NEB: variants seen among roughly 807,000 people sequenced by gnomAD.
NEB encodes nebulin.
NEB carries 512 observed loss-of-function variants against 952.2 expected under a neutral mutation model. The ratio of observed to expected loss-of-function variants is 0.54; its 90% confidence interval spans 0.50 to 0.58. The LOEUF is 0.58. NEB is among the 20% of genes least tolerant of loss of function. NEB has a pLI of 0.00. For synonymous variants in NEB, 2,900 were observed against 3,149.8 expected (o/e 0.92, Z 2.66); for missense variants, 8,428 against 9,231.1 (o/e 0.91, Z 3.56).
At chr2:151,498,377 A>G (rs774433703) in intron 169 of NEB, 25 bp from the exon 170 acceptor site, 40 of 1,492,052 alleles carry the variant, frequency 2.7e-5, no homozygotes, top group Middle Eastern at 1.7e-4. Flanking sequence ...AGCATCCAGA[A>G]CAAAAAAAGC....
intron 75 of NEB, 37 bp downstream of exon 75, chr2:151,617,327 G>A (rs1166012791): frequency 1.1e-5 from 15 of 1,389,560 alleles, no homozygotes; most frequent in Non-Finnish European, 1.5e-5. Context: ...GTTCATTTTT[G>A]CCTTTCTGTT....
At chr2:151,542,208 T>C (rs1425795855) in intron 135 of NEB, among the ~76,000 whole-genome samples, 1 of 152,178 alleles carries the variant, frequency 6.6e-6, no homozygotes, top group African/African-American at 2.4e-5. Context: ...TCCTGTCTTT[T>C]AGACCTCCTC....
At position 151,643,959 on chromosome 2, in the gene NEB, G is replaced by A; in HGVS notation, c.7815C>T (p.Asp2605=). Residue 2605 remains aspartate (D), a synonymous_variant, in exon 57 of 182, where the codon GAC becomes GAT. Coordinates refer to ENST00000397345, the MANE Select transcript of NEB (RefSeq NM_001164508.2). ...TCTTGGCCAACACCACCCCCAGCAT[G>A]TCCACTGGGCTGCTGAACTTGGTCT... ...KWKTKFSSPV[D]MLGVVLAKKC... is the part of the protein sequence containing the mutation. 6.2e-7 allele frequency: 1 copy of A among 1,613,932 alleles called. No individual in the cohort carries two copies. Among genetic ancestry groups the A allele is most frequent in the Non-Finnish European group, 8.5e-7 (1 of 1,179,868 alleles).
intron 67 of NEB, among the ~76,000 whole-genome samples, chr2:151,629,900 G>A (rs2098627875): frequency 6.6e-6 from 1 of 151,586 alleles, no homozygotes; most frequent in Non-Finnish European, 1.5e-5. Context: ...AGATTAATAT[G>A]CTATACATAG....
At position 151,727,736 on chromosome 2, in the gene NEB, G is replaced by A. The variant is rs200936927; in HGVS notation, c.249C>T (p.Thr83=). 33 of 1,613,634 alleles carry A rather than the reference G, an allele frequency of 2.0e-5. No individual in the cohort carries two copies. In the East Asian group the frequency reaches 7.1e-4, roughly 35 times the overall value. The change falls in exon 5 of 182, where the codon ACC becomes ACT. Residue 83 remains threonine (T), a synonymous_variant. Transcript: ENST00000397345. ...TTTTCTGACTGTGTGCAATGTAGGG[G>A]GTCATGAACTTTGAAGGATCCACTT... ...RKKVDPSKFM[T]PYIAHSQKMQ...
intron 78 of NEB, among the ~76,000 whole-genome samples, chr2:151,611,667 T>A (rs1047104106): frequency 6.6e-6 from 1 of 152,206 alleles, no homozygotes; most frequent in African/African-American, 2.4e-5. Flanking sequence ...TGATCATCTA[T>A]CTTGTGTAAT....
At chr2:151,666,832 G>A (rs371325785) in intron 40 of NEB, among the ~76,000 whole-genome samples, 4 of 152,066 alleles carry the variant, frequency 2.6e-5, no homozygotes, top group South Asian at 2.1e-4. Context: ...AAAGTGCTAG[G>A]ATTAGACGTG....
At chr2:151,508,537 G>A (rs956654837) in intron 161 of NEB, among the ~76,000 whole-genome samples, 1 of 152,158 alleles carries the variant, frequency 6.6e-6, no homozygotes, top group African/African-American at 2.4e-5. Flanking sequence ...TCAAAGACAT[G>A]ACCTCTAGAA....
Position 151,723,411 on chromosome 2 carries a change from C to T in NEB, c.688G>A (p.Val230Ile). The T allele has an allele frequency of 1.2e-6, 2 of 1,610,088 alleles. No homozygotes were observed. Among genetic ancestry groups the T allele is most frequent in the Non-Finnish European group, 1.7e-6 (2 of 1,178,216 alleles). The change falls in exon 9 of 182, where the codon GTT becomes ATT. Residue 230 changes from valine to isoleucine, a missense_variant. Val to Ile is a conservative substitution (Grantham distance 29). This residue lies in a region of NEB where 2,851 missense variants were observed against 2,791.5 expected (regional missense o/e 1.02). Transcript: ENST00000397345. ...CTGAGAGCTTTCTGGGCCTGGGCAA[C>T]TCTCCTCAGTTCCGGGCTATCATTA... ...PYNDSPELRR[V>I]AQAQKALSDV...
At chr2:151,631,397 G>C in intron 65 of NEB, 51 bp from the exon 66 acceptor site, 1 of 1,536,114 alleles carries the variant, frequency 6.5e-7, no homozygotes, top group Non-Finnish European at 8.9e-7. Flanking sequence ...ACAATATTTA[G>C]GGTAAATATG....
At chr2:151,512,016 ACTCTTTTTTTTTT>A (rs1229779856) in intron 161 of NEB, among the ~76,000 whole-genome samples, 3 of 111,028 alleles carry the variant, frequency 2.7e-5, no homozygotes, top group African/African-American at 7.0e-5. Flanking sequence ...TTACCCTCTC[ACTCTTTTTTTTTT>A]TTTTTTTTTT....
chr2:151,512,642 C>A, intron 161 of NEB, 91 bp downstream of exon 161: 1 of 953,348 alleles, frequency 1.0e-6, no homozygotes, highest in Admixed American at 2.1e-5. Context: ...AAAAACTGAT[C>A]TGAAGAATCT....
intron 65 of NEB, 48 bp downstream of exon 65, chr2:151,633,606 G>C: frequency 6.4e-7 from 1 of 1,556,678 alleles, no homozygotes; most frequent in Non-Finnish European, 8.7e-7. Flanking sequence ...TTTTCACATA[G>C]TTTAAATTAT....
At chr2:151,646,061 A>C in intron 55 of NEB, 69 bp downstream of exon 55, 2 of 1,172,960 alleles carry the variant, frequency 1.7e-6, no homozygotes, top group Non-Finnish European at 2.4e-6. Context: ...GAACTTCTAG[A>C]CAATTTCACT....
intron 128 of NEB, among the ~76,000 whole-genome samples, chr2:151,552,397 A>G (rs1010505165): frequency 1.3e-5 from 2 of 152,228 alleles, no homozygotes; most frequent in African/African-American, 2.4e-5. Context: ...TAAACTTGCT[A>G]TGACACAGGG....
At chr2:151,634,018 A>C (rs925058729) in intron 64 of NEB, 53 bp from the exon 65 acceptor site, 5 of 1,550,402 alleles carry the variant, frequency 3.2e-6, no homozygotes, top group Non-Finnish European at 3.5e-6. Flanking sequence ...TAGAGGCCAC[A>C]AGTCTGTGCA....
At position 151,567,208 on chromosome 2, in the gene NEB, T is replaced by C. The variant is rs2096446118; in HGVS notation, c.18116A>G (p.Asp6039Gly). The change falls in exon 114 of 182, where the codon GAT becomes GGT. Residue 6039 changes from aspartate to glycine, a missense_variant. Physicochemically the swap from Asp to Gly is moderately conservative, Grantham distance 94. Transcript: ENST00000397345. ...HQWMCHPDQN[D>G]VIQARKAYDL... ...ATAGGCCTTTCTTGCCTGAATAACA[T>C]CGTTCTGGTCAGGATGACACATCCA... is the stretch of plus-strand genomic sequence containing the variant. 3.1e-6 allele frequency: 5 copies of C among 1,612,404 alleles called. No homozygotes were observed. Among genetic ancestry groups the C allele is most frequent in the Non-Finnish European group, 4.2e-6 (5 of 1,178,864 alleles).
At position 151,506,893 on chromosome 2, in the gene NEB, T is replaced by G. The variant is rs775700223; in HGVS notation, c.23556+16A>C. ...GACTAGGTTAGCATTAAATGCAAAA[T>G]AAATAGTAAATATACCGAGCTGAAA... On this transcript the variant is annotated intron_variant, in intron 163 of 181. Transcript: ENST00000397345. 1 of 1,533,400 alleles carries G rather than the reference T, an allele frequency of 6.5e-7. No individual in the cohort carries two copies. The highest frequency in any genetic ancestry group is 1.1e-5 in the South Asian group (1 of 88,654). 95.0% of individuals were successfully genotyped at this position (1,533,400 alleles called of 1,614,324 possible).
chr2:151,717,780 C>A (rs1024938946), intron 9 of NEB, among the ~76,000 whole-genome samples: 2 of 152,138 alleles, frequency 1.3e-5, no homozygotes, highest in African/African-American at 2.4e-5. Flanking sequence ...GTCTTCAACT[C>A]CCAACCCCTT....
Sources: allele counts gnomAD v4.1 joint callset (sites outside exome capture counted in the v4.1 genomes callset), GRCh38; gene constraint gnomAD v4.1.1; regional missense constraint gnomAD v4.1.1; transcripts MANE v1.5; gene names NCBI Gene and HGNC (gene_info 2026-07-23, HGNC 2026-07-21).